The following ZNF536 variants were observed in gnomAD, a reference collection of about 807,000 sequenced individuals.
The protein encoded by ZNF536 is zinc finger protein 536.
ZNF536 carries 13 observed loss-of-function variants against 84.5 expected under a neutral mutation model. The ratio of observed to expected loss-of-function variants is 0.15; its 90% CI spans 0.10 to 0.24. ZNF536 has a LOEUF of 0.24. Ranked by LOEUF, ZNF536 falls within the 10% of genes least tolerant of loss-of-function variation. The pLI, the probability that ZNF536 is intolerant of heterozygous loss-of-function variation, is 1.00. For synonymous variants in ZNF536, 811 were observed against 742.5 expected, an observed-to-expected ratio of 1.09 and a Z score of -1.50; for missense variants, 1,536 against 1,747.5, an observed-to-expected ratio of 0.88 and a Z score of 2.16.
chr19:30,474,329 C>CTG (rs909503993), intron 2 of ZNF536, among the ~76,000 whole-genome samples: 9 of 152,088 alleles, frequency 5.9e-5, no homozygotes, highest in Admixed American at 3.9e-4. Flanking sequence ...CTCTCTCTCT[C>CTG]TCTGTGTGTG....
chr19:30,448,564 C>T (rs1245343780), intron 2 of ZNF536, among the ~76,000 whole-genome samples: 1 of 152,170 alleles, frequency 6.6e-6, no homozygotes, highest in African/African-American at 2.4e-5. Context: ...AACAATGTCG[C>T]AAAACTTAAT....
rs970475752 is a variant in ZNF536 at position 30,704,647 on chromosome 19, CAAAAA to C, written c.170-6091_170-6087del. On this transcript the variant is annotated intron_variant, in intron 1 of 1. Coordinates refer to the ZNF536 transcript ENST00000592773. Reference sequence around the variant, plus strand: ...GGGCAACAAGAGTGAGAGTCCATCTCAAAAAAAAAAAAAAAAAAAAAAAGAGATAG... The same window carrying C: ...GGGCAACAAGAGTGAGAGTCCATCTCAAAAAAAAAAAAAAAAAAGAGATAG... Among the ~76,000 whole-genome samples the C allele has an allele frequency of 6.7e-3, 359 of 53,444 alleles. 1 individual carries two copies. The highest frequency in any genetic ancestry group is 0.026 in the African/African-American group (347 of 13,266). 35.1% of individuals were successfully genotyped at this position (53,444 alleles called of 152,430 possible). A position where few individuals can be genotyped will look rare whatever the true frequency, so the allele number is the denominator to read the frequency against.
chr19:30,530,668 C>T (rs992346452), intron 2 of ZNF536, among the ~76,000 whole-genome samples: 2 of 152,128 alleles, frequency 1.3e-5, no homozygotes, highest in Admixed American at 6.5e-5. Context: ...CTTTCTACTG[C>T]CTGCTTCCTG....
intron 1 of ZNF536, among the ~76,000 whole-genome samples, chr19:30,686,323 T>A (rs754202103): frequency 5.9e-5 from 9 of 151,720 alleles, no homozygotes; most frequent in Non-Finnish European, 8.8e-5. Flanking sequence ...TTCCTGAAGG[T>A]GGCAGTGAAA....
At chr19:30,688,115 T>G (rs1158933905) in intron 1 of ZNF536, among the ~76,000 whole-genome samples, 2 of 151,776 alleles carry the variant, frequency 1.3e-5, no homozygotes, top group Non-Finnish European at 2.9e-5. Flanking sequence ...AGATTAGAGA[T>G]TGGAGGGCTG....
At chr19:30,360,430 T>G (rs1352660885) in intron 3 of ZNF536, among the ~76,000 whole-genome samples, 9 of 152,272 alleles carry the variant, frequency 5.9e-5, no homozygotes, top group African/African-American at 1.9e-4. Flanking sequence ...TAATTTCTTA[T>G]GAAATCGGGC....
At chr19:30,608,544 C>G (rs991786328) in intron 1 of ZNF536, among the ~76,000 whole-genome samples, 1 of 152,286 alleles carries the variant, frequency 6.6e-6, no homozygotes, top group African/African-American at 2.4e-5. Context: ...GCTCTTTACC[C>G]AGCTGTAGGC....
At chr19:30,330,225 C>T (rs2047166137) in intron 2 of ZNF536, among the ~76,000 whole-genome samples, 1 of 152,128 alleles carries the variant, frequency 6.6e-6, no homozygotes, top group African/African-American at 2.4e-5. Context: ...ATTAACTGTG[C>T]TAAATTCGAT....
At chr19:30,686,656 C>T (rs1202108074) in intron 1 of ZNF536, among the ~76,000 whole-genome samples, 1 of 152,156 alleles carries the variant, frequency 6.6e-6, no homozygotes, top group Non-Finnish European at 1.5e-5. Context: ...CCGGCTCCCG[C>T]GGGCTGTCAG....
At chr19:30,290,064 C>T (rs933789648) in intron 2 of ZNF536, among the ~76,000 whole-genome samples, 1 of 152,138 alleles carries the variant, frequency 6.6e-6, no homozygotes, top group African/African-American at 2.4e-5. Context: ...ATCCACTATG[C>T]ACCTGTCTGT....
chr19:30,502,448 T>A (rs905473123), intron 2 of ZNF536, among the ~76,000 whole-genome samples: 1 of 151,844 alleles, frequency 6.6e-6, no homozygotes, highest in Admixed American at 6.6e-5. Flanking sequence ...AAATGGTGAG[T>A]GATCGGAAAG....
chr19:30,255,899 A>T (rs774461435), intron 1 of ZNF536, among the ~76,000 whole-genome samples: 63 of 152,212 alleles, frequency 4.1e-4, no homozygotes, highest in Non-Finnish European at 5.0e-4. Context: ...GCTGAAGCCA[A>T]CAGCCTCCTT....
chr19:30,465,354 AC>A (rs1231461488), intron 2 of ZNF536, among the ~76,000 whole-genome samples: 4 of 151,634 alleles, frequency 2.6e-5, no homozygotes, highest in Admixed American at 6.6e-5. Flanking sequence ...CTCCCCAGTC[AC>A]CCCCTGAAGA....
intron 1 of ZNF536, among the ~76,000 whole-genome samples, chr19:30,603,823 C>T (rs566069112): frequency 1.3e-5 from 2 of 152,238 alleles, no homozygotes; most frequent in South Asian, 4.2e-4. Flanking sequence ...GGCACGGTGG[C>T]TCATGCCTGT....
intron 2 of ZNF536, among the ~76,000 whole-genome samples, chr19:30,459,709 A>G (rs973631819): frequency 5.9e-5 from 9 of 152,166 alleles, no homozygotes; most frequent in African/African-American, 2.2e-4. Flanking sequence ...GGTTTGTGTC[A>G]TTGAATCTGG....
chr19:30,644,299 G>A (rs563338854), intron 1 of ZNF536, among the ~76,000 whole-genome samples: 9 of 151,910 alleles, frequency 5.9e-5, no homozygotes, highest in Admixed American at 3.3e-4. Context: ...AATTCATAAC[G>A]ATTTGGTTTA....
intron 1 of ZNF536, among the ~76,000 whole-genome samples, chr19:30,435,728 G>A (rs1443681408): frequency 2.0e-5 from 3 of 152,096 alleles, no homozygotes. Flanking sequence ...GCCTGGCTTT[G>A]TGTGGTATAG....
chr19:30,645,258 C>T (rs944460869), intron 1 of ZNF536, among the ~76,000 whole-genome samples: 1 of 152,110 alleles, frequency 6.6e-6, no homozygotes, highest in Non-Finnish European at 1.5e-5. Context: ...ATTGTAGATT[C>T]TGGATATTAG....
chr19:30,707,495 A>C (rs2052290405), intron 1 of ZNF536, among the ~76,000 whole-genome samples: 1 of 152,122 alleles, frequency 6.6e-6, no homozygotes, highest in Non-Finnish European at 1.5e-5. Flanking sequence ...CTTACCTGGC[A>C]ATCATGGCAC....
Sources: allele counts gnomAD v4.1 joint callset (sites outside exome capture counted in the v4.1 genomes callset), GRCh38; gene constraint gnomAD v4.1.1; transcripts MANE v1.5; gene names NCBI Gene and HGNC (gene_info 2026-07-23, HGNC 2026-07-21).